The following PHIP variants were observed in gnomAD, a reference collection of about 807,000 sequenced individuals.
The protein encoded by PHIP is PH-interacting protein.
PHIP carries 54 observed loss-of-function variants against 236.8 expected under a neutral mutation model. That is an observed-to-expected ratio of 0.23 (90% CI 0.18 to 0.29). PHIP has a LOEUF of 0.29. Among genes scored for constraint, PHIP ranks in the 10% least tolerant of loss-of-function variants. The probability of loss-of-function intolerance (pLI) is 1.00; values close to 1 mark genes in which losing one functional copy is unlikely to be tolerated. For synonymous variants in PHIP, 756 were observed against 718.9 expected (o/e 1.05, Z -0.83); for missense variants, 1,370 against 2,190.8 (o/e 0.63, Z 7.48).
intron 24 of PHIP, among the ~76,000 whole-genome samples, 180 bp from the exon 25 acceptor site, chr6:78,971,068 G>A (rs1269905686): frequency 1.3e-5 from 2 of 152,042 alleles, no homozygotes; most frequent in South Asian, 2.1e-4. Flanking sequence ...TAACCAAAGT[G>A]TTCTAAATAA....
In PHIP at chr6:79,043,010, A is replaced by G; in HGVS notation, c.440-7T>C. On this transcript the variant is annotated splice_region_variant and splice_polypyrimidine_tract_variant and intron_variant, in intron 6 of 39. Transcript: ENST00000275034. ...CTTGAAAACAGAGTATCCGCTACCA[A>G]GAAAAAGAAGGAAAATAAATGTAAT... is the stretch of plus-strand genomic sequence containing the variant. 1 of 1,597,918 alleles carries G rather than the reference A, an allele frequency of 6.3e-7. No homozygotes were observed. The highest frequency in any genetic ancestry group is 8.5e-7 in the Non-Finnish European group (1 of 1,172,814).
At chr6:79,031,621 C>T (rs1389776583) in intron 7 of PHIP, among the ~76,000 whole-genome samples, 1 of 152,104 alleles carries the variant, frequency 6.6e-6, no homozygotes, top group Non-Finnish European at 1.5e-5. Context: ...TACTGCCACA[C>T]CTGAAAAAAA....
intron 6 of PHIP, among the ~76,000 whole-genome samples, chr6:79,060,193 T>C (rs551560530): frequency 2.2e-3 from 342 of 152,248 alleles, no homozygotes; most frequent in African/African-American, 7.9e-3. Context: ...ATATTGATTC[T>C]ACTAACTCGA....
At position 79,077,896 on chromosome 6, in the gene PHIP, C is replaced by T. The variant is rs1164490735; in HGVS notation, c.58G>A (p.Ala20Thr). Residue 20 changes from alanine (A) to threonine (T), a missense_variant, in exon 2 of 40, where the codon GCC becomes ACC. Ala to Thr is a moderately conservative substitution (Grantham distance 58). Around this residue, in one of 14 missense-constraint regions of PHIP, gnomAD observed 43 missense variants for 53.8 expected, o/e 0.80. Transcript: ENST00000275034. ...CAGGGTCCATCTTCCAGGAACCGGG[C>T]GATGAGGAAGTAGAGCTCTGCGCGG... ...ELRSELYFLI[A>T]RFLEDGPCQQ... The T allele has an allele frequency of 1.3e-6, 2 of 1,591,302 alleles. No individual in the cohort carries two copies. Among genetic ancestry groups the T allele is most frequent in the South Asian group, 2.3e-5 (2 of 88,412 alleles).
At position 78,940,160 on chromosome 6, in the gene PHIP, G is replaced by T. The variant is rs1005186132; in HGVS notation, c.*533C>A. The T allele has an allele frequency of 4.6e-5, 7 of 151,898 alleles. No individual in the cohort carries two copies. Among genetic ancestry groups the T allele is most frequent in the African/African-American group, 1.5e-4 (6 of 41,348 alleles). 9.4% of individuals were successfully genotyped at this position (151,898 alleles called of 1,614,324 possible). ...CTATAATTAAAATTAAACTGTTTAG[G>T]GTATCAAATGGTGGAAATTTTATAT... On this transcript the variant is annotated 3_prime_UTR_variant, in exon 40 of 40. Coordinates refer to ENST00000275034, the MANE Select transcript of PHIP (RefSeq NM_017934.7).
At chr6:79,053,358 T>C (rs2127767293) in intron 6 of PHIP, among the ~76,000 whole-genome samples, 1 of 152,018 alleles carries the variant, frequency 6.6e-6, no homozygotes. Context: ...TCTTAAAGAG[T>C]TGCTATAGAA....
At chr6:79,066,147 C>G (rs1773611025) in intron 4 of PHIP, among the ~76,000 whole-genome samples, 1 of 152,014 alleles carries the variant, frequency 6.6e-6, no homozygotes, top group Non-Finnish European at 1.5e-5. Flanking sequence ...TCAAGATCCC[C>G]AATTTCTGAT....
intron 7 of PHIP, among the ~76,000 whole-genome samples, chr6:79,029,713 A>G (rs947983052): frequency 2.0e-5 from 3 of 152,146 alleles, no homozygotes; most frequent in Non-Finnish European, 2.9e-5. Context: ...TATCTTTACT[A>G]GAGATGGGGT....
intron 19 of PHIP, among the ~76,000 whole-genome samples, chr6:78,991,816 G>A (rs1769265804): frequency 6.6e-6 from 1 of 151,352 alleles, no homozygotes; most frequent in East Asian, 1.9e-4. Context: ...TAAATCTTGT[G>A]AAAAGAACAG....
intron 6 of PHIP, among the ~76,000 whole-genome samples, chr6:79,044,393 A>T: frequency 6.6e-6 from 1 of 152,130 alleles, no homozygotes; most frequent in East Asian, 1.9e-4. Context: ...AGTTTCAATC[A>T]TAGCTTAGAC....
chr6:78,990,890 T>C lies in PHIP; in HGVS notation c.2297A>G (p.Asn766Ser). Residue 766 changes from asparagine (N) to serine (S), a missense_variant, in exon 20 of 40, where the codon AAT becomes AGT. Coordinates refer to ENST00000275034, the MANE Select transcript of PHIP (RefSeq NM_017934.7). ...TACCTTTGAGACAGTGGGTATTTTA[T>C]TCTCTTTTGGAACAGTTAAGTGTTT... is the stretch of plus-strand genomic sequence containing the variant. ...KRKHLTVPKE[N>S]KIPTVSKNHA... 1.3e-6 allele frequency: 2 copies of C among 1,589,956 alleles called. No individual in the cohort carries two copies. Among genetic ancestry groups the C allele is most frequent in the South Asian group, 1.1e-5 (1 of 89,694 alleles).
At position 78,985,333 on chromosome 6, in the gene PHIP, A is replaced by G. The variant is rs1768796243; in HGVS notation, c.2537+19T>C. On this transcript the variant is annotated intron_variant, in intron 22 of 39. Coordinates refer to ENST00000275034, the MANE Select transcript of PHIP (RefSeq NM_017934.7). ...AAGACTTTATATAACATTTGGAAAA[A>G]TAAAAAGCATTCATTTACCTAGAAC... 1 of 1,395,664 alleles carries G rather than the reference A, an allele frequency of 7.2e-7. No individual in the cohort carries two copies. The highest frequency in any genetic ancestry group is 1.2e-5 in the South Asian group (1 of 83,242). 86.5% of individuals were successfully genotyped at this position (1,395,664 alleles called of 1,614,324 possible). A position where few individuals can be genotyped will look rare whatever the true frequency, so the allele number is the denominator to read the frequency against.
chr6:79,030,120 G>A (rs1474237895), intron 7 of PHIP, among the ~76,000 whole-genome samples: 1 of 152,180 alleles, frequency 6.6e-6, no homozygotes, highest in Non-Finnish European at 1.5e-5. Context: ...AGGAAGTAGG[G>A]AGAGATCATG....
rs9359359 is a variant in PHIP at position 78,991,263 on chromosome 6, T to C, written c.2202-278A>G. 0.49 allele frequency among the ~76,000 whole-genome samples: 74,732 copies of C among 151,786 alleles called. 19,009 individuals carry two copies. The highest frequency in any genetic ancestry group is 0.69 in the East Asian group (3,564 of 5,152). On this transcript the variant is annotated intron_variant, in intron 19 of 39. Coordinates refer to ENST00000275034, the MANE Select transcript of PHIP (RefSeq NM_017934.7). ...CAAACCAAGTATTAGATTCTGGGAA[T>C]GTGGTGATTCCTAGGGTAATTTTTC...
chr6:78,992,048 G>A (rs1356492412), intron 19 of PHIP, among the ~76,000 whole-genome samples: 1 of 148,220 alleles, frequency 6.7e-6, no homozygotes, highest in East Asian at 2.0e-4. Context: ...TGCAGGCTCT[G>A]CCCCCCGGGG....
intron 4 of PHIP, among the ~76,000 whole-genome samples, chr6:79,065,187 T>G (rs1039974167): frequency 6.6e-6 from 1 of 152,240 alleles, no homozygotes; most frequent in Non-Finnish European, 1.5e-5. Flanking sequence ...CTTTCCCATA[T>G]GCACTCATGC....
At chr6:78,958,867 T>C (rs920107617) in intron 31 of PHIP, among the ~76,000 whole-genome samples, 21 of 151,990 alleles carry the variant, frequency 1.4e-4, no homozygotes, top group African/African-American at 2.4e-5. Flanking sequence ...AGGGAGAACG[T>C]CTATATGGGG....
rs984119770 is a variant in PHIP at position 79,059,497 on chromosome 6, G to C, written c.439+981C>G. ...TATATGTAAATGACTAAATGTTCCA[G>C]ATAAAACACAGATTATCATATTGTA... On this transcript the variant is annotated intron_variant, in intron 6 of 39. Transcript: ENST00000275034. Among the ~76,000 whole-genome samples, 5 of 150,146 alleles carry C rather than the reference G, an allele frequency of 3.3e-5. No individual in the cohort carries two copies. In the South Asian group the frequency reaches 1.0e-3, roughly 31 times the overall value.
chr6:78,963,295 T>C (rs769993783), intron 29 of PHIP, 43 bp from the exon 30 acceptor site: 5 of 1,506,530 alleles, frequency 3.3e-6, no homozygotes, highest in Non-Finnish European at 4.5e-6. Context: ...TGGTAACTTA[T>C]TAGTATTCAG....
Sources: gnomAD v4.1 joint callset for allele counts (sites outside exome capture counted in the v4.1 genomes callset) on GRCh38, gnomAD v4.1.1 for gene constraint, gnomAD v4.1.1 regional missense constraint, MANE v1.5 for transcripts, NCBI Gene and HGNC (gene_info 2026-07-23, HGNC 2026-07-21) for gene names.